The following PATJ variants were observed in gnomAD, a reference collection of about 807,000 sequenced individuals.
The protein encoded by PATJ is PATJ crumbs cell polarity complex component.
In PATJ, 190 loss-of-function variants were observed where a neutral mutation model predicts 224.9. The observed-to-expected ratio is 0.84, with a 90% CI of 0.75 to 0.95. The LOEUF (loss-of-function observed/expected upper bound fraction) is 0.95, where lower values mean the gene tolerates loss of function less well. Among genes scored for constraint, PATJ ranks in the 40% least tolerant of loss-of-function variants. The pLI is 0.00. For synonymous variants in PATJ, 769 were observed against 820.3 expected, an observed-to-expected ratio of 0.94 and a Z score of 1.07; for missense variants, 2,121 against 2,270.3, an observed-to-expected ratio of 0.93 and a Z score of 1.34.
At chr1:61,785,757 C>G (rs12063684) in intron 7 of PATJ, among the ~76,000 whole-genome samples, 5,985 of 152,168 alleles carry the variant, frequency 0.039, 408 homozygotes, top group African/African-American at 0.14. Flanking sequence ...ACACTTTGAA[C>G]AGATACTCAT....
intron 31 of PATJ, among the ~76,000 whole-genome samples, chr1:62,069,980 A>G (rs904293727): frequency 3.9e-5 from 6 of 152,206 alleles, no homozygotes; most frequent in African/African-American, 1.2e-4. Context: ...TTCCAGTGCC[A>G]TTTCTTTTTT....
chr1:61,778,697 AAT>A (rs367636267), intron 7 of PATJ, among the ~76,000 whole-genome samples: 7 of 150,198 alleles, frequency 4.7e-5, no homozygotes, highest in South Asian at 2.1e-4. Context: ...CACTCTTACT[AAT>A]ATATATATAT....
At chr1:62,146,440 G>A (rs915241470) in intron 41 of PATJ, among the ~76,000 whole-genome samples, 7 of 152,188 alleles carry the variant, frequency 4.6e-5, no homozygotes, top group African/African-American at 1.4e-4. Flanking sequence ...GGGCTGAAGC[G>A]AGAAGACCAG....
At chr1:62,105,900 C>G (rs754014255) in intron 33 of PATJ, among the ~76,000 whole-genome samples, 6 of 150,264 alleles carry the variant, frequency 4.0e-5, no homozygotes, top group Non-Finnish European at 7.4e-5. Context: ...GTATAGAAGC[C>G]CTTTTTTTGT....
At chr1:61,937,501 A>G (rs11207871) in intron 27 of PATJ, among the ~76,000 whole-genome samples, 6,581 of 152,262 alleles carry the variant, frequency 0.043, 529 homozygotes, top group African/African-American at 0.15. Flanking sequence ...TTCTAAATCC[A>G]TCTGTAAATT....
intron 28 of PATJ, among the ~76,000 whole-genome samples, chr1:61,996,741 C>CTTTTCTTTT (rs1355853671): frequency 1.0e-5 from 1 of 97,736 alleles, no homozygotes; most frequent in African/African-American, 3.9e-5. Context: ...CTTTTCTTTT[C>CTTTTCTTTT]TTTTTTTTTT....
chr1:61,927,951 A>C (rs1025535401), intron 27 of PATJ, 122 bp downstream of exon 27: 1 of 691,074 alleles, frequency 1.4e-6, no homozygotes, highest in African/African-American at 1.8e-5. Context: ...ATGTATGCTA[A>C]AAAATCAAAT....
In PATJ at chr1:62,097,322, G is replaced by GA. The variant is rs942551342; in HGVS notation, c.4378-11105dup. Among the ~76,000 whole-genome samples, 23 of 147,484 alleles carry GA rather than the reference G, an allele frequency of 1.6e-4. No homozygotes were observed. In the East Asian group the frequency reaches 1.8e-3, roughly 11 times the overall value. On this transcript the variant is annotated intron_variant, in intron 33 of 43. Coordinates refer to ENST00000642238, the MANE Select transcript of PATJ (RefSeq NM_001350145.3). The stretch of plus-strand genomic sequence containing the variant: ...GTGCTGTCTCAAATTTTAAAAAAAG[G>GA]AAAAAAAAAAGACTATAAATTTTAT...
chr1:61,839,105 T>C (rs951342233), intron 17 of PATJ, among the ~76,000 whole-genome samples: 1 of 152,036 alleles, frequency 6.6e-6, no homozygotes, highest in Non-Finnish European at 1.5e-5. Context: ...CAGGTCTTTT[T>C]TTTTCTTTCT....
intron 26 of PATJ, among the ~76,000 whole-genome samples, chr1:61,919,132 CTGTTA>C (rs779303409): frequency 6.6e-6 from 1 of 150,774 alleles, no homozygotes; most frequent in Admixed American, 6.6e-5. Flanking sequence ...TTCGTCTTAT[CTGTTA>C]TATCTTTTTT....
chr1:61,990,307 C>T lies in PATJ; in HGVS notation c.3810C>T (p.Asn1270=). 6.2e-7 allele frequency: 1 copy of T among 1,613,736 alleles called. No homozygotes were observed. Among genetic ancestry groups the T allele is most frequent in the South Asian group, 1.1e-5 (1 of 90,918 alleles). The stretch of plus-strand genomic sequence containing the variant: ...TGAGCATATTTGTGGTGGGAATTAA[C>T]CCGGAAGGACCTGCTGCCGCAGATG... The part of the protein sequence containing the change: ...SRMSIFVVGI[N]PEGPAAADGR... The change falls in exon 28 of 44, where the codon AAC becomes AAT. Residue 1270 remains asparagine (N), a synonymous_variant. Coordinates refer to ENST00000642238, the MANE Select transcript of PATJ (RefSeq NM_001350145.3).
rs1666161114 is a variant in PATJ at position 61,870,457 on chromosome 1, A to G, written c.2836-4786A>G. Among the ~76,000 whole-genome samples the G allele has an allele frequency of 2.0e-5, 3 of 152,124 alleles. No individual in the cohort carries two copies. The South Asian group carries it at 6.2e-4, about 32-fold the overall frequency. ...GCGAGGGCATGGGTGGTTTAGGAAA[A>G]GGTAACATTTGAGCAGGAAAACAGT... On this transcript the variant is annotated intron_variant, in intron 20 of 43. Transcript: ENST00000642238.
chr1:61,804,446 T>G (rs570203279), intron 12 of PATJ, among the ~76,000 whole-genome samples: 2 of 152,280 alleles, frequency 1.3e-5, no homozygotes, highest in East Asian at 3.9e-4. Flanking sequence ...TTAAACATTA[T>G]ATGCATCCAA....
chr1:62,056,609 C>T (rs536559271), intron 31 of PATJ, among the ~76,000 whole-genome samples: 8 of 152,164 alleles, frequency 5.3e-5, no homozygotes, highest in Admixed American at 1.3e-4. Flanking sequence ...GGCGAAACCC[C>T]GTTCCTATTA....
intron 41 of PATJ, among the ~76,000 whole-genome samples, chr1:62,139,102 T>C (rs969494734): frequency 2.0e-4 from 30 of 151,924 alleles, no homozygotes; most frequent in African/African-American, 6.8e-4. Flanking sequence ...AGATTTACTT[T>C]TAAAAAAGAG....
intron 41 of PATJ, among the ~76,000 whole-genome samples, chr1:62,132,356 G>A (rs1193766868): frequency 3.9e-5 from 6 of 152,124 alleles, no homozygotes; most frequent in Non-Finnish European, 5.9e-5. Context: ...AAAAGTAGCC[G>A]GATTGGCGGT....
chr1:61,742,982 CG>C, intron 1 of PATJ, among the ~76,000 whole-genome samples: 1 of 152,136 alleles, frequency 6.6e-6, no homozygotes, highest in East Asian at 1.9e-4. Context: ...GCGCCCAGAT[CG>C]GTGCCCCTGT....
chr1:61,876,570 T>C (rs947700038), intron 21 of PATJ, among the ~76,000 whole-genome samples: 5 of 152,220 alleles, frequency 3.3e-5, no homozygotes. Flanking sequence ...CTGTGCATTG[T>C]AGGATGCTTA....
chr1:61,765,066 A>ATT (rs71582647), intron 3 of PATJ, among the ~76,000 whole-genome samples: 2,993 of 23,846 alleles, frequency 0.13, 1,158 homozygotes, highest in Non-Finnish European at 0.17. Flanking sequence ...ATTGACATTC[A>ATT]TTTTTTTTTT....
Sources: allele counts gnomAD v4.1 joint callset (sites outside exome capture counted in the v4.1 genomes callset), GRCh38; gene constraint gnomAD v4.1.1; transcripts MANE v1.5; gene names NCBI Gene and HGNC (gene_info 2026-07-23, HGNC 2026-07-21).